Variants in MEP1A observed in about 807,000 individuals in gnomAD.
MEP1A encodes N-benzoyl-L-tyrosyl-P-amino-benzoic acid hydrolase subunit alpha.
Under a neutral mutation model 84.5 loss-of-function variants are expected in MEP1A, and 68 were observed. That is an observed-to-expected ratio of 0.80 (90% CI 0.66 to 0.98). MEP1A has a LOEUF of 0.98. Ranked by LOEUF, MEP1A falls within the 50% of genes least tolerant of loss-of-function variation. MEP1A has a pLI of 0.00. For synonymous variants in MEP1A, 337 were observed against 336.8 expected, an observed-to-expected ratio of 1.00 and a Z score of -0.01; for missense variants, 887 against 919.9, an observed-to-expected ratio of 0.96 and a Z score of 0.46.
At position 46,838,991 on chromosome 6, in the gene MEP1A, G is replaced by T; in HGVS notation, c.2096G>T (p.Gly699Val). 5.0e-6 allele frequency: 8 copies of T among 1,612,648 alleles called. No homozygotes were observed. Among genetic ancestry groups the T allele is most frequent in the Non-Finnish European group, 6.8e-6 (8 of 1,179,034 alleles). The change falls in exon 14 of 14, where the codon GGA becomes GTA. Residue 699 changes from glycine (G) to valine (V), a missense_variant. Coordinates refer to ENST00000230588, the MANE Select transcript of MEP1A (RefSeq NM_005588.3). ...KGMASCRCIS[G>V]HAFFYTGERC... ...TCCTTTTCCCTCAGGTGCATCTCTG[G>T]ACATGCTTTCTTCTACACGGGGGAG...
intron 5 of MEP1A, among the ~76,000 whole-genome samples, chr6:46,803,844 A>G (rs1408119982): frequency 6.6e-6 from 1 of 151,596 alleles, no homozygotes; most frequent in East Asian, 1.9e-4. Flanking sequence ...TATCTTGTGA[A>G]TATTTTCATC....
At chr6:46,824,138 A>C (rs1027304439) in intron 7 of MEP1A, among the ~76,000 whole-genome samples, 1 of 152,094 alleles carries the variant, frequency 6.6e-6, no homozygotes, top group African/African-American at 2.4e-5. Context: ...TGTTAGAACG[A>C]TGTGTCTTGA....
chr6:46,841,651 G>A (rs972965218), downstream of MEP1A, among the ~76,000 whole-genome samples: 2 of 152,128 alleles, frequency 1.3e-5, no homozygotes, highest in Admixed American at 1.3e-4. Flanking sequence ...TTGAAAATTT[G>A]AGAATGTCTC....
At chr6:46,799,804 A>G (rs1405446696) in intron 5 of MEP1A, among the ~76,000 whole-genome samples, 1 of 152,186 alleles carries the variant, frequency 6.6e-6, no homozygotes, top group Admixed American at 6.6e-5. Flanking sequence ...TAGAAGCCAC[A>G]TGTAGGCACT....
At position 46,805,666 on chromosome 6, in the gene MEP1A, T is replaced by A. The variant is rs142917109; in HGVS notation, c.263-3754T>A. 9.9e-5 allele frequency among the ~76,000 whole-genome samples: 15 copies of A among 152,126 alleles called. No homozygotes were observed. The East Asian group carries it at 2.7e-3, about 27-fold the overall frequency. On this transcript the variant is annotated intron_variant, in intron 5 of 13. Transcript: ENST00000230588. ...CATATTATTGTTCTCCTGTATGTAATGTCTTTTTTCTCTAGTTGTTTTCAA... is the reference window on the plus strand; with the variant it reads ...CATATTATTGTTCTCCTGTATGTAAAGTCTTTTTTCTCTAGTTGTTTTCAA...
At chr6:46,814,686 G>A (rs1046366155) in intron 6 of MEP1A, among the ~76,000 whole-genome samples, 2 of 152,170 alleles carry the variant, frequency 1.3e-5, no homozygotes, top group African/African-American at 4.8e-5. Flanking sequence ...TGTGTCAGAG[G>A]GAAGATCTGG....
At chr6:46,827,372 C>T (rs1767972212) in intron 9 of MEP1A, among the ~76,000 whole-genome samples, 1 of 152,196 alleles carries the variant, frequency 6.6e-6, no homozygotes, top group Admixed American at 6.5e-5. Flanking sequence ...GCTTCACTCC[C>T]CATTTTTCCA....
Position 46,826,474 on chromosome 6 carries a change from T to G in MEP1A, c.899T>G (p.Val300Gly), listed in dbSNP as rs1202962582. Residue 300 changes from valine to glycine, a missense_variant, in exon 9 of 14, where the codon GTG becomes GGG. Physicochemically the swap from Val to Gly is moderately radical, Grantham distance 109 (BLOSUM62 -3). Coordinates refer to ENST00000230588, the MANE Select transcript of MEP1A (RefSeq NM_005588.3). ...CAGGACAGTGCTCAGGCTGGAGAAG[T>G]GGATCACACCTTGTTGGGACAATGC... ...AHQDSAQAGE[V>G]DHTLLGQCTG... The G allele has an allele frequency of 2.5e-6, 4 of 1,595,330 alleles. No individual in the cohort carries two copies. The South Asian group carries it at 4.6e-5, about 19-fold the overall frequency.
chr6:46,819,789 A>G, intron 7 of MEP1A, 85 bp downstream of exon 7: 1 of 1,385,432 alleles, frequency 7.2e-7, no homozygotes, highest in Non-Finnish European at 1.0e-6. Context: ...TGTGGACAGG[A>G]GCTTCAGCCT....
chr6:46,813,193 CTTAAGT>C (rs1767547163), intron 6 of MEP1A, among the ~76,000 whole-genome samples: 1 of 151,930 alleles, frequency 6.6e-6, no homozygotes, highest in Admixed American at 6.6e-5. Context: ...ACTCCTTTAC[CTTAAGT>C]TTATGTGAGT....
At chr6:46,837,213 C>T (rs1384621074) in intron 13 of MEP1A, among the ~76,000 whole-genome samples, 5 of 152,110 alleles carry the variant, frequency 3.3e-5, no homozygotes, top group South Asian at 2.1e-4. Context: ...ACCTTCACCC[C>T]GTTAATTTGT....
intron 10 of MEP1A, among the ~76,000 whole-genome samples, chr6:46,831,760 A>G (rs558727895): frequency 2.6e-5 from 4 of 152,298 alleles, no homozygotes; most frequent in South Asian, 2.1e-4. Flanking sequence ...TTCAAATCCT[A>G]TATCTCTGTT....
downstream of MEP1A, among the ~76,000 whole-genome samples, chr6:46,840,615 G>T (rs1768315345): frequency 6.6e-6 from 1 of 152,138 alleles, no homozygotes; most frequent in Non-Finnish European, 1.5e-5. Context: ...GTAAATTTTA[G>T]TAAGAAATCA....
At chr6:46,824,904 AATT>A (rs1475115303) in intron 7 of MEP1A, among the ~76,000 whole-genome samples, 1 of 122,572 alleles carries the variant, frequency 8.2e-6, no homozygotes, top group African/African-American at 3.2e-5. Context: ...TATATATATA[AATT>A]ATATATTTAA....
intron 3 of MEP1A, among the ~76,000 whole-genome samples, chr6:46,794,157 C>G (rs1392625643): frequency 6.6e-6 from 1 of 152,156 alleles, no homozygotes; most frequent in African/African-American, 2.4e-5. Context: ...GTAAAGCAAT[C>G]TCCACTTAGA....
At position 46,793,535 on chromosome 6, in the gene MEP1A, ATATT is replaced by A; in HGVS notation, c.70-11_70-8del. The A allele has an allele frequency of 6.4e-7, 1 of 1,561,940 alleles. No homozygotes were observed. The highest frequency in any genetic ancestry group is 8.8e-7 in the Non-Finnish European group (1 of 1,142,604). The stretch of plus-strand genomic sequence containing the variant: ...CTAGTATACATTATCCATTTTCTGT[ATATT>A]TATTTTTTTCAGATTAAGTATCTTC... On this transcript the variant is annotated splice_polypyrimidine_tract_variant and intron_variant, in intron 1 of 13. Coordinates refer to ENST00000230588, the MANE Select transcript of MEP1A (RefSeq NM_005588.3).
At chr6:46,807,546 A>G (rs947514070) in intron 5 of MEP1A, among the ~76,000 whole-genome samples, 43 of 56,124 alleles carry the variant, frequency 7.7e-4, no homozygotes, top group African/African-American at 4.2e-3. Flanking sequence ...GAAAGAAAGA[A>G]AGAAAGAAAG....
intron 3 of MEP1A, among the ~76,000 whole-genome samples, chr6:46,795,607 CT>C (rs1423212326): frequency 6.6e-6 from 1 of 152,114 alleles, no homozygotes; most frequent in Non-Finnish European, 1.5e-5. Context: ...CCTAGATCTA[CT>C]TTCAAATCAT....
At chr6:46,828,217 C>T (rs1767992381) in intron 9 of MEP1A, among the ~76,000 whole-genome samples, 2 of 148,730 alleles carry the variant, frequency 1.3e-5, no homozygotes, top group South Asian at 4.3e-4. Flanking sequence ...ACCTAGAAAC[C>T]TTTATAGCCT....
Sources: allele counts gnomAD v4.1 joint callset (sites outside exome capture counted in the v4.1 genomes callset), GRCh38; gene constraint gnomAD v4.1.1; transcripts MANE v1.5; gene names NCBI Gene and HGNC (gene_info 2026-07-23, HGNC 2026-07-21).